INTS4: variants seen among roughly 807,000 people sequenced by gnomAD.
INTS4 encodes the protein integrator complex subunit 4.
In INTS4, 70 loss-of-function variants were observed where a neutral mutation model predicts 119.5. That is an observed-to-expected ratio of 0.59 (90% CI 0.48 to 0.71). The LOEUF (loss-of-function observed/expected upper bound fraction) is 0.71, where lower values mean the gene tolerates loss of function less well. INTS4 is among the 30% of genes least tolerant of loss of function. INTS4 has a pLI of 0.00. For synonymous variants in INTS4, 316 were observed against 419.6 expected (o/e 0.75, Z 3.02); for missense variants, 867 against 1,173.2 (o/e 0.74, Z 3.81).
At chr11:77,929,193 A>ATG (rs1186011379) in intron 10 of INTS4, among the ~76,000 whole-genome samples, 1 of 152,094 alleles carries the variant, frequency 6.6e-6, no homozygotes, top group African/African-American at 2.4e-5. Context: ...ATATATATAT[A>ATG]TAAAGTAACT....
At chr11:77,945,160 T>A (rs1018285430) in intron 8 of INTS4, among the ~76,000 whole-genome samples, 5 of 152,150 alleles carry the variant, frequency 3.3e-5, no homozygotes, top group Non-Finnish European at 7.3e-5. Context: ...AAAATCAGCT[T>A]AAAATCAGAG....
intron 8 of INTS4, among the ~76,000 whole-genome samples, chr11:77,944,545 G>C (rs1954002607): frequency 6.6e-6 from 1 of 152,188 alleles, no homozygotes; most frequent in Non-Finnish European, 1.5e-5. Context: ...CCAGTACCAG[G>C]TATTATTATT....
chr11:77,954,955 C>T (rs1348942958), intron 8 of INTS4, among the ~76,000 whole-genome samples: 1 of 151,996 alleles, frequency 6.6e-6, no homozygotes, highest in Non-Finnish European at 1.5e-5. Flanking sequence ...ATCTTAATTC[C>T]TAGTAGGGTT....
chr11:77,896,256 A>T (rs761647636), intron 18 of INTS4, among the ~76,000 whole-genome samples: 4 of 152,242 alleles, frequency 2.6e-5, no homozygotes, highest in African/African-American at 9.6e-5. Context: ...AGAGAAGCAC[A>T]CTTGGAAATA....
At chr11:77,945,507 C>G (rs1265822038) in intron 8 of INTS4, among the ~76,000 whole-genome samples, 2 of 152,180 alleles carry the variant, frequency 1.3e-5, no homozygotes, top group African/African-American at 4.8e-5. Context: ...TAACCCCATC[C>G]ACATAGAGTC....
chr11:77,928,618 T>G, intron 10 of INTS4, 71 bp from the exon 11 acceptor site: 1 of 1,535,028 alleles, frequency 6.5e-7, no homozygotes, highest in Non-Finnish European at 8.8e-7. Context: ...TCCCAGCACT[T>G]TGGGAGGCCA....
chr11:77,947,174 A>C (rs1301660220), intron 8 of INTS4, among the ~76,000 whole-genome samples: 1 of 152,054 alleles, frequency 6.6e-6, no homozygotes, highest in Admixed American at 6.5e-5. Context: ...TCAACAGGCA[A>C]ACAAATACTT....
chr11:77,890,827 AGTGTCTCTACTACATTTCTCAT>A (rs1952231130), intron 21 of INTS4, among the ~76,000 whole-genome samples: 1 of 152,224 alleles, frequency 6.6e-6, no homozygotes, highest in Non-Finnish European at 1.5e-5. Context: ...TGAATTGATT[AGTGTCTCTACTACATTTCTCAT>A]GTGTCTCTAT....
chr11:77,921,163 G>A (rs1340766974), intron 14 of INTS4, among the ~76,000 whole-genome samples, 177 bp downstream of exon 14: 2 of 152,184 alleles, frequency 1.3e-5, no homozygotes, highest in Non-Finnish European at 2.9e-5. Flanking sequence ...GCACACAGTG[G>A]TGCTCACCTG....
At chr11:77,889,646 C>T (rs1032861818) in intron 21 of INTS4, among the ~76,000 whole-genome samples, 19 of 152,154 alleles carry the variant, frequency 1.2e-4, no homozygotes, top group Non-Finnish European at 2.4e-4. Flanking sequence ...ATCTCAGTGT[C>T]ATCTCTGAGG....
Position 77,974,389 on chromosome 11 carries a change from C to T in INTS4, c.471+4607G>A, listed in dbSNP as rs535067674. Among the ~76,000 whole-genome samples, 27 of 151,368 alleles carry T rather than the reference C, an allele frequency of 1.8e-4. 2 individuals carry two copies. In the South Asian group the frequency reaches 5.0e-3, roughly 28 times the overall value. ...TCCTGAGTAGCTGGGATTACAGGCACGCACCACCATACCCGACTAATTTTT... is the reference window on the plus strand; with the variant it reads ...TCCTGAGTAGCTGGGATTACAGGCATGCACCACCATACCCGACTAATTTTT... On this transcript the variant is annotated intron_variant, in intron 4 of 22. Coordinates refer to ENST00000534064, the MANE Select transcript of INTS4 (RefSeq NM_033547.4).
At chr11:77,931,366 C>T (rs188422236) in intron 10 of INTS4, among the ~76,000 whole-genome samples, 12 of 152,226 alleles carry the variant, frequency 7.9e-5, no homozygotes, top group Admixed American at 7.9e-4. Flanking sequence ...TCCCTAAAAC[C>T]CAAATTTTCC....
Position 77,922,305 on chromosome 11 carries a change from G to A in INTS4, c.1630+51C>T, listed in dbSNP as rs1266066436. The A allele has an allele frequency of 3.2e-6, 5 of 1,541,092 alleles. No homozygotes were observed. In the East Asian group the frequency reaches 1.1e-4, roughly 35 times the overall value. On this transcript the variant is annotated intron_variant, in intron 13 of 22. Transcript: ENST00000534064. ...CCCTAGCTATACTGCAGAAGGAGAT[G>A]CCAAAGCTGCCTGCCAACACATCAG...
At chr11:77,984,780 G>A (rs560954224) in intron 2 of INTS4, among the ~76,000 whole-genome samples, 19 of 151,894 alleles carry the variant, frequency 1.3e-4, no homozygotes, top group African/African-American at 4.3e-4. Flanking sequence ...GGAGGCTGAG[G>A]TGAGAGGATT....
chr11:77,927,719 TATG>T (rs1953542798), intron 11 of INTS4, among the ~76,000 whole-genome samples: 1 of 152,144 alleles, frequency 6.6e-6, no homozygotes, highest in African/African-American at 2.4e-5. Context: ...TATAACAGCC[TATG>T]ATTCACTACA....
chr11:77,921,013 A>G (rs3018156), intron 14 of INTS4, among the ~76,000 whole-genome samples: 58,805 of 151,824 alleles, frequency 0.39, 11,604 homozygotes, highest in African/African-American at 0.43. Context: ...GGTAAAGGAT[A>G]CAAAAGCAAA....
At chr11:77,970,972 T>G (rs1855707531) in intron 4 of INTS4, among the ~76,000 whole-genome samples, 1 of 151,886 alleles carries the variant, frequency 6.6e-6, no homozygotes, top group Non-Finnish European at 1.5e-5. Flanking sequence ...CATGCCTGGC[T>G]AGTTTTTGTA....
rs1385507493 is a variant in INTS4, at chr11:77,994,635, C to A, written c.9G>T (p.Ala3=). 1 of 1,614,006 alleles carries A rather than the reference C, an allele frequency of 6.2e-7. No homozygotes were observed. The highest frequency in any genetic ancestry group is 8.5e-7 in the Non-Finnish European group (1 of 1,180,014). Residue 3 remains alanine, a synonymous_variant, in exon 1 of 23, where the codon GCG becomes GCT. Coordinates refer to ENST00000534064, the MANE Select transcript of INTS4 (RefSeq NM_033547.4). MA[A]HLKKRVYEEF... ...CCTCATAAACCCGCTTCTTAAGGTG[C>A]GCCGCCATGCCTACCCGCGGGCCCT... is the stretch of plus-strand genomic sequence containing the variant.
chr11:77,914,460 C>T (rs1013374722), intron 15 of INTS4, among the ~76,000 whole-genome samples: 5 of 152,204 alleles, frequency 3.3e-5, no homozygotes, highest in African/African-American at 9.7e-5. Flanking sequence ...CAACCTCATT[C>T]AGTGGCCTCC....
Sources: gnomAD v4.1 joint callset for allele counts (sites outside exome capture counted in the v4.1 genomes callset) on GRCh38, gnomAD v4.1.1 for gene constraint, MANE v1.5 for transcripts, NCBI Gene and HGNC (gene_info 2026-07-23, HGNC 2026-07-21) for gene names.